The following PCDH15 variants were observed in gnomAD, a reference collection of about 807,000 sequenced individuals.
PCDH15 encodes the protein protocadherin-15.
A neutral mutation model predicts 178.5 loss-of-function variants in PCDH15; 129 were observed. That is an observed-to-expected ratio of 0.72 (90% confidence interval 0.63 to 0.84). The LOEUF is 0.84. Among genes scored for constraint, PCDH15 ranks in the 40% least tolerant of loss-of-function variants. The pLI, the probability that PCDH15 is intolerant of heterozygous loss-of-function variation, is 0.00. For synonymous variants in PCDH15, 800 were observed against 732.0 expected, an observed-to-expected ratio of 1.09 and a Z score of -1.50; for missense variants, 2,230 against 2,099.9, an observed-to-expected ratio of 1.06 and a Z score of -1.21.
chr10:53,981,283 A>C (rs988211177), intron 21 of PCDH15, among the ~76,000 whole-genome samples: 2 of 152,334 alleles, frequency 1.3e-5, no homozygotes, highest in African/African-American at 4.8e-5. Context: ...TGTTAAACAC[A>C]ATATGTTTCG....
chr10:54,038,118 G>A (rs1482922895), intron 18 of PCDH15, among the ~76,000 whole-genome samples: 1 of 151,878 alleles, frequency 6.6e-6, no homozygotes, highest in Non-Finnish European at 1.5e-5. Context: ...ACACACATAG[G>A]GAATATTTCC....
intron 20 of PCDH15, among the ~76,000 whole-genome samples, chr10:54,015,943 C>A (rs2092726753): frequency 6.6e-6 from 1 of 151,718 alleles, no homozygotes; most frequent in Non-Finnish European, 1.5e-5. Context: ...AAAAACAAAA[C>A]AAAACGAAAC....
chr10:54,400,394 A>G (rs1318385450), intron 3 of PCDH15, among the ~76,000 whole-genome samples: 1 of 152,056 alleles, frequency 6.6e-6, no homozygotes, highest in Non-Finnish European at 1.5e-5. Flanking sequence ...TACTTCTACT[A>G]TCTTTGTTAT....
At chr10:55,497,034 T>C (rs897135792) in intron 2 of PCDH15, among the ~76,000 whole-genome samples, 2 of 152,006 alleles carry the variant, frequency 1.3e-5, no homozygotes, top group South Asian at 2.1e-4. Flanking sequence ...GGGAAAGTGT[T>C]CTGTAGAAAA....
At chr10:54,695,088 A>C (rs923543944) in intron 1 of PCDH15, among the ~76,000 whole-genome samples, 1 of 152,068 alleles carries the variant, frequency 6.6e-6, no homozygotes, top group African/African-American at 2.4e-5. Context: ...GGGGGAAGGG[A>C]TAACATTAGG....
At chr10:54,523,617 A>C (rs2138308013) in intron 3 of PCDH15, among the ~76,000 whole-genome samples, 1 of 152,286 alleles carries the variant, frequency 6.6e-6, no homozygotes, top group East Asian at 1.9e-4. Context: ...GCATTTGAAT[A>C]TTTGTTTTGA....
intron 2 of PCDH15, among the ~76,000 whole-genome samples, chr10:55,060,716 AT>A (rs1351057829): frequency 6.6e-6 from 1 of 152,046 alleles, no homozygotes; most frequent in African/African-American, 2.4e-5. Flanking sequence ...CAAAAAAACG[AT>A]TTTATATGCT....
intron 26 of PCDH15, among the ~76,000 whole-genome samples, chr10:53,888,318 G>GTATATATATGTATGTACATACATA (rs1238264864): frequency 1.1e-5 from 1 of 91,824 alleles, no homozygotes; most frequent in Non-Finnish European, 1.9e-5. Context: ...ATGTATATAT[G>GTATATATATGTATGTACATACATA]TACGTATATA....
intron 8 of PCDH15, among the ~76,000 whole-genome samples, chr10:54,256,832 T>C (rs1015396966): frequency 3.0e-4 from 45 of 152,170 alleles, no homozygotes; most frequent in African/African-American, 1.1e-3. Flanking sequence ...CTGACCACTC[T>C]AGTTACCAAA....
intron 2 of PCDH15, among the ~76,000 whole-genome samples, chr10:55,006,900 T>C (rs1456369226): frequency 1.3e-5 from 2 of 152,080 alleles, no homozygotes; most frequent in African/African-American, 4.8e-5. Flanking sequence ...ATTTCAATGC[T>C]GTAGGTGGGG....
At chr10:54,062,253 C>CAAAAAAAAAAAAAAAAAAAAAAAAAAAAA (rs769054605) in intron 18 of PCDH15, among the ~76,000 whole-genome samples, 1 of 75,844 alleles carries the variant, frequency 1.3e-5, no homozygotes. Flanking sequence ...AAAAAAAAAA[C>CAAAAAAAAAAAAAAAAAAAAAAAAAAAAA]AAAAAACAAC....
intron 2 of PCDH15, among the ~76,000 whole-genome samples, chr10:55,459,240 A>AG: frequency 7.5e-6 from 1 of 133,752 alleles, no homozygotes; most frequent in East Asian, 2.5e-4. Flanking sequence ...GGCAAAAAAA[A>AG]AAAAGAAGGA....
At chr10:54,721,202 CAA>C (rs1941537812) in intron 1 of PCDH15, among the ~76,000 whole-genome samples, 1 of 151,814 alleles carries the variant, frequency 6.6e-6, no homozygotes, top group South Asian at 2.1e-4. Context: ...AATACAGACA[CAA>C]TATTTCAAAA....
intron 20 of PCDH15, among the ~76,000 whole-genome samples, chr10:54,018,053 A>G (rs1162852966): frequency 2.0e-5 from 3 of 152,144 alleles, no homozygotes; most frequent in Non-Finnish European, 2.9e-5. Flanking sequence ...TCATACTGCA[A>G]CCTAAGAAAA....
chr10:54,406,183 G>A (rs1301647641), intron 3 of PCDH15, among the ~76,000 whole-genome samples: 2 of 152,004 alleles, frequency 1.3e-5, no homozygotes, highest in African/African-American at 2.4e-5. Context: ...TATTGTCTGT[G>A]TACCTGTGAA....
chr10:55,203,685 GATAA>G (rs1840314429), intron 1 of PCDH15, among the ~76,000 whole-genome samples: 1 of 152,046 alleles, frequency 6.6e-6, no homozygotes. Context: ...ATTAAATAGA[GATAA>G]ATATTTTCCC....
intron 25 of PCDH15, chr10:53,907,174 A>G (rs919497635): frequency 1.2e-4 from 18 of 152,126 alleles, no homozygotes; most frequent in African/African-American, 3.6e-4. Flanking sequence ...ATGTTCTTCC[A>G]CCAAATTTGG....
chr10:53,878,984 T>C lies in PCDH15; in HGVS notation c.3502-12127A>G, dbSNP rs180736704. 2.5e-3 allele frequency among the ~76,000 whole-genome samples: 380 copies of C among 152,326 alleles called. 4 individuals carry two copies. The Middle Eastern group carries it at 0.027, about 11-fold the overall frequency. On this transcript the variant is annotated intron_variant, in intron 26 of 37. Coordinates refer to ENST00000644397, the MANE Select transcript of PCDH15 (RefSeq NM_001384140.1). Reference sequence around the variant, plus strand: ...TGTGAATATTCACTCGGGTGTAAAATGCAGTGCCTGGTACAAAGTAAACCT... The same window carrying C: ...TGTGAATATTCACTCGGGTGTAAAACGCAGTGCCTGGTACAAAGTAAACCT...
At chr10:54,522,761 C>T (rs543860103) in intron 3 of PCDH15, among the ~76,000 whole-genome samples, 103 of 152,238 alleles carry the variant, frequency 6.8e-4, no homozygotes, top group African/African-American at 2.2e-3. Context: ...AATGAAATGA[C>T]TGATTGAACA....
Sources: allele counts gnomAD v4.1 joint callset (sites outside exome capture counted in the v4.1 genomes callset), GRCh38; gene constraint gnomAD v4.1.1; transcripts MANE v1.5; gene names NCBI Gene and HGNC (gene_info 2026-07-23, HGNC 2026-07-21).